The following SLC41A2 variants were observed in gnomAD, a reference collection of about 807,000 sequenced individuals.
SLC41A2 encodes the protein solute carrier family 41 member 2.
A neutral mutation model predicts 58.3 loss-of-function variants in SLC41A2; 32 were observed. The ratio of observed to expected loss-of-function variants is 0.55; its 90% CI spans 0.41 to 0.74. SLC41A2 has a LOEUF of 0.74. Among genes scored for constraint, SLC41A2 ranks in the 30% least tolerant of loss-of-function variants. The pLI is 0.00. For missense variants in SLC41A2, 514 were observed against 680.6 expected, an observed-to-expected ratio of 0.76 and a Z score of 2.72; for synonymous variants, 190 against 235.0, an observed-to-expected ratio of 0.81 and a Z score of 1.75.
chr12:104,911,995 A>G (rs975801166), intron 2 of SLC41A2, among the ~76,000 whole-genome samples: 1 of 152,238 alleles, frequency 6.6e-6, no homozygotes, highest in Non-Finnish European at 1.5e-5. Flanking sequence ...AATAACAAAT[A>G]TTAATAATAT....
chr12:104,880,844 G>T (rs530640724), intron 6 of SLC41A2, among the ~76,000 whole-genome samples: 5 of 152,154 alleles, frequency 3.3e-5, no homozygotes, highest in Non-Finnish European at 7.3e-5. Flanking sequence ...ATGAGTTAGG[G>T]AGGATTCTCT....
chr12:104,927,286 A>T (rs2046881616), intron 2 of SLC41A2, among the ~76,000 whole-genome samples: 1 of 152,162 alleles, frequency 6.6e-6, no homozygotes, highest in African/African-American at 2.4e-5. Flanking sequence ...TATTCTTATA[A>T]GGATAGTTAT....
chr12:104,873,386 A>G (rs1039371763), intron 6 of SLC41A2, among the ~76,000 whole-genome samples: 2 of 152,148 alleles, frequency 1.3e-5, no homozygotes, highest in African/African-American at 2.4e-5. Flanking sequence ...ACCGAACAAT[A>G]TTACATTGTA....
intron 10 of SLC41A2, among the ~76,000 whole-genome samples, chr12:104,821,026 A>T (rs1012541834): frequency 6.6e-6 from 1 of 152,206 alleles, no homozygotes; most frequent in African/African-American, 2.4e-5. Context: ...GTATAATAAC[A>T]ATCTTCTATA....
intron 1 of SLC41A2, among the ~76,000 whole-genome samples, chr12:104,930,344 G>A (rs1178126640): frequency 6.6e-6 from 1 of 152,164 alleles, no homozygotes; most frequent in South Asian, 2.1e-4. Flanking sequence ...TGTAGTCCCC[G>A]AAAGAGAGAA....
chr12:104,808,221 ATTATT>A (rs1374706367), intron 10 of SLC41A2, among the ~76,000 whole-genome samples: 1 of 152,174 alleles, frequency 6.6e-6, no homozygotes, highest in Non-Finnish European at 1.5e-5. Flanking sequence ...GATAGCTCTT[ATTATT>A]TTGAGATATG....
chr12:104,835,218 AG>A (rs1250256521), intron 10 of SLC41A2, among the ~76,000 whole-genome samples: 2 of 152,212 alleles, frequency 1.3e-5, no homozygotes, highest in Non-Finnish European at 2.9e-5. Flanking sequence ...TAGCTGATGC[AG>A]GTATTTGATG....
chr12:104,904,344 TTTC>T (rs2045707124), intron 3 of SLC41A2, among the ~76,000 whole-genome samples: 1 of 152,198 alleles, frequency 6.6e-6, no homozygotes, highest in African/African-American at 2.4e-5. Flanking sequence ...TTCAAATAAC[TTTC>T]TTCTTCAAAT....
intron 2 of SLC41A2, among the ~76,000 whole-genome samples, chr12:104,911,060 T>C (rs2046063897): frequency 6.6e-6 from 1 of 152,232 alleles, no homozygotes. Flanking sequence ...CATATTCCTT[T>C]CTATTGATTC....
intron 6 of SLC41A2, among the ~76,000 whole-genome samples, chr12:104,867,757 A>G (rs2043542442): frequency 6.6e-6 from 1 of 150,466 alleles, no homozygotes; most frequent in Admixed American, 6.6e-5. Context: ...GCCTTAGATT[A>G]CTTAATCTAA....
intron 1 of SLC41A2, among the ~76,000 whole-genome samples, chr12:104,955,391 C>T (rs2048124782): frequency 6.6e-6 from 1 of 152,134 alleles, no homozygotes; most frequent in South Asian, 2.1e-4. Flanking sequence ...TCCACTGTCC[C>T]CCAGGTGGTG....
intron 10 of SLC41A2, among the ~76,000 whole-genome samples, chr12:104,842,685 T>C (rs1320404984): frequency 6.6e-6 from 1 of 152,122 alleles, no homozygotes; most frequent in Admixed American, 6.5e-5. Flanking sequence ...TCCATTCTAG[T>C]TATTCAGCTT....
chr12:104,901,534 C>A (rs894552810), intron 3 of SLC41A2, among the ~76,000 whole-genome samples: 13 of 151,680 alleles, frequency 8.6e-5, no homozygotes, highest in African/African-American at 2.7e-4. Context: ...AAATAGGAAA[C>A]CTATTTTTAT....
At chr12:104,854,506 T>C (rs2042949424) in intron 8 of SLC41A2, among the ~76,000 whole-genome samples, 1 of 149,746 alleles carries the variant, frequency 6.7e-6, no homozygotes, top group Non-Finnish European at 1.5e-5. Context: ...GAGCTTGCAG[T>C]GAGCCGAGAT....
At chr12:104,919,544 A>T (rs960950710) in intron 2 of SLC41A2, among the ~76,000 whole-genome samples, 1 of 152,190 alleles carries the variant, frequency 6.6e-6, no homozygotes. Context: ...CCATTCTGAT[A>T]GGTGTGTAGT....
At chr12:104,886,002 C>T (rs2044639329) in intron 6 of SLC41A2, among the ~76,000 whole-genome samples, 1 of 152,066 alleles carries the variant, frequency 6.6e-6, no homozygotes, top group South Asian at 2.1e-4. Flanking sequence ...AACTTTTTTA[C>T]TAGTAGTTAT....
At chr12:104,915,780 G>T (rs1182404784) in intron 2 of SLC41A2, among the ~76,000 whole-genome samples, 2 of 151,814 alleles carry the variant, frequency 1.3e-5, no homozygotes, top group Non-Finnish European at 2.9e-5. Flanking sequence ...CTGCCTGATT[G>T]CCCTGGCCAG....
intron 10 of SLC41A2, among the ~76,000 whole-genome samples, chr12:104,823,615 C>A (rs1335448612): frequency 6.6e-6 from 1 of 152,030 alleles, no homozygotes; most frequent in Non-Finnish European, 1.5e-5. Context: ...ATATACCATA[C>A]ACAAAAATTA....
intron 10 of SLC41A2, among the ~76,000 whole-genome samples, chr12:104,840,388 T>TA (rs1442775492): frequency 2.6e-5 from 4 of 152,228 alleles, no homozygotes; most frequent in Non-Finnish European, 4.4e-5. Flanking sequence ...TTAACATAAA[T>TA]AAAAAAATTA....
Sources: allele counts gnomAD v4.1 joint callset (sites outside exome capture counted in the v4.1 genomes callset), GRCh38; gene constraint gnomAD v4.1.1; transcripts MANE v1.5; gene names NCBI Gene and HGNC (gene_info 2026-07-23, HGNC 2026-07-21).